Variants in NEO1 observed in about 807,000 individuals in gnomAD.
NEO1 encodes neogenin.
In NEO1, 63 loss-of-function variants were observed where a neutral mutation model predicts 159.7. The ratio of observed to expected loss-of-function variants is 0.39; its 90% CI spans 0.32 to 0.49. NEO1 has a LOEUF of 0.49. Among genes scored for constraint, NEO1 ranks in the 20% least tolerant of loss-of-function variants. The probability of loss-of-function intolerance (pLI) is 0.85; values close to 1 mark genes in which losing one functional copy is unlikely to be tolerated. For missense variants in NEO1, 1,615 were observed against 1,831.0 expected, an observed-to-expected ratio of 0.88 and a Z score of 2.15; for synonymous variants, 633 against 662.0, an observed-to-expected ratio of 0.96 and a Z score of 0.67.
chr15:73,141,432 A>ATTG (rs1274257580), intron 5 of NEO1, among the ~76,000 whole-genome samples: 2 of 152,208 alleles, frequency 1.3e-5, no homozygotes, highest in Non-Finnish European at 2.9e-5. Flanking sequence ...GTCATCTCAG[A>ATTG]TTGTTGATAA....
rs986403152 is a variant in NEO1, at chr15:73,131,500, C to T, written c.879-4391C>T. On this transcript the variant is annotated intron_variant, in intron 4 of 28. Transcript: ENST00000261908. The stretch of plus-strand genomic sequence containing the variant: ...TGTCTTTAACATCTGTTTTCTTCTC[C>T]GTTTCTTTATCTGATGTATCTGCAA... Among the ~76,000 whole-genome samples the T allele has an allele frequency of 2.4e-4, 37 of 152,126 alleles. 1 individual carries two copies. Among genetic ancestry groups the T allele is most frequent in the African/African-American group, 6.8e-4 (28 of 41,420 alleles).
At chr15:73,290,224 ATTTTTTTTTTT>A (rs34114271) in intron 25 of NEO1, among the ~76,000 whole-genome samples, 3 of 82,252 alleles carry the variant, frequency 3.6e-5, no homozygotes, top group Non-Finnish European at 6.8e-5. Context: ...ACTGTGTGGA[ATTTTTTTTTTT>A]TTTTTTTTTT....
At chr15:73,216,781 T>A (rs1355000666) in intron 7 of NEO1, among the ~76,000 whole-genome samples, 1 of 152,162 alleles carries the variant, frequency 6.6e-6, no homozygotes, top group Non-Finnish European at 1.5e-5. Flanking sequence ...GATGGGGTTG[T>A]TTTTTTCTTG....
At chr15:73,143,398 G>GCA (rs1220706846) in intron 5 of NEO1, 1 of 157,670 alleles carries the variant, frequency 6.3e-6, no homozygotes, top group African/African-American at 2.4e-5. Flanking sequence ...TGCTTGCCTA[G>GCA]CACACACTTA....
intron 7 of NEO1, among the ~76,000 whole-genome samples, chr15:73,227,606 G>T (rs143320773): frequency 6.6e-6 from 1 of 152,200 alleles, no homozygotes; most frequent in African/African-American, 2.4e-5. Context: ...AGGTTTCAGC[G>T]ACTGGGCCAG....
At chr15:73,203,354 T>C (rs1175173186) in intron 7 of NEO1, among the ~76,000 whole-genome samples, 4 of 152,174 alleles carry the variant, frequency 2.6e-5, no homozygotes, top group Non-Finnish European at 5.9e-5. Context: ...TCTGAATCTT[T>C]ATATTTAAAG....
chr15:73,183,032 T>TA (rs1316847952), intron 7 of NEO1, among the ~76,000 whole-genome samples: 3 of 152,202 alleles, frequency 2.0e-5, no homozygotes, highest in African/African-American at 7.2e-5. Flanking sequence ...AACTATGGCC[T>TA]AATTTGGAAT....
intron 4 of NEO1, among the ~76,000 whole-genome samples, chr15:73,129,329 A>G (rs2030766925): frequency 6.6e-6 from 1 of 152,182 alleles, no homozygotes; most frequent in Non-Finnish European, 1.5e-5. Context: ...TTAGACCCAA[A>G]ATTAGAAAGA....
chr15:73,191,306 T>G (rs963829251), intron 7 of NEO1, among the ~76,000 whole-genome samples: 1 of 152,094 alleles, frequency 6.6e-6, no homozygotes, highest in Non-Finnish European at 1.5e-5. Context: ...TTTTGTAAAT[T>G]GTTAAGTACT....
chr15:73,301,203 C>T (rs1324902683), intron 27 of NEO1, 118 bp from the exon 28 acceptor site: 28 of 1,298,810 alleles, frequency 2.2e-5, no homozygotes, highest in Non-Finnish European at 2.9e-5. Flanking sequence ...AGAGCAGTAT[C>T]CCTGCACTGG....
chr15:73,179,185 T>C (rs556808861), intron 7 of NEO1, among the ~76,000 whole-genome samples: 10 of 152,272 alleles, frequency 6.6e-5, no homozygotes, highest in African/African-American at 2.4e-4. Context: ...ACATTGATAT[T>C]GGGATTGGAG....
Position 73,052,677 on chromosome 15 carries a change from TGGC to T in NEO1, c.8_10del (p.Ala3?), listed in dbSNP as rs1415118486. ...CTGCCGCTCACTCTCGGGGAAGAGA[TGGC>T]GGCGGAGCGGGGAGCCCGGCGACTC... On this transcript the variant is annotated start_lost and inframe_deletion, in exon 1 of 29. Coordinates refer to ENST00000261908, the MANE Select transcript of NEO1 (RefSeq NM_002499.4). The T allele has an allele frequency of 7.6e-7, 1 of 1,323,946 alleles. No individual in the cohort carries two copies. Among genetic ancestry groups the T allele is most frequent in the Non-Finnish European group, 9.7e-7 (1 of 1,027,966 alleles). 82.0% of individuals were successfully genotyped at this position (1,323,946 alleles called of 1,614,324 possible). A position where few individuals can be genotyped will look rare whatever the true frequency, so the allele number is the denominator to read the frequency against.
chr15:73,174,854 T>A (rs1316949081), intron 5 of NEO1, among the ~76,000 whole-genome samples: 1 of 152,236 alleles, frequency 6.6e-6, no homozygotes, highest in Non-Finnish European at 1.5e-5. Flanking sequence ...AAGTCAAATT[T>A]GCTATTAATA....
At chr15:73,141,948 T>C (rs2032428335) in intron 5 of NEO1, among the ~76,000 whole-genome samples, 1 of 152,136 alleles carries the variant, frequency 6.6e-6, no homozygotes, top group African/African-American at 2.4e-5. Context: ...CACAGAGGAG[T>C]GATTGAGAGC....
intron 7 of NEO1, among the ~76,000 whole-genome samples, chr15:73,188,221 C>A (rs2036045492): frequency 6.6e-6 from 1 of 151,750 alleles, no homozygotes; most frequent in Non-Finnish European, 1.5e-5. Flanking sequence ...AAAAAAAAGA[C>A]TTTACTAATT....
At chr15:73,276,243 T>C (rs2041417964) in intron 21 of NEO1, among the ~76,000 whole-genome samples, 1 of 152,226 alleles carries the variant, frequency 6.6e-6, no homozygotes, top group South Asian at 2.1e-4. Flanking sequence ...TTGTTCATAG[T>C]TTACATTCAA....
At chr15:73,246,684 T>G (rs149259220) in intron 9 of NEO1, among the ~76,000 whole-genome samples, 2,054 of 152,186 alleles carry the variant, frequency 0.013, 18 homozygotes, top group South Asian at 0.017. Context: ...ATGACAAAAA[T>G]GAAGGAAATG....
chr15:73,171,189 A>C (rs2034940267), intron 5 of NEO1, among the ~76,000 whole-genome samples: 1 of 152,142 alleles, frequency 6.6e-6, no homozygotes, highest in African/African-American at 2.4e-5. Flanking sequence ...GAGTCTGTAG[A>C]TGGAAAAAAA....
intron 7 of NEO1, among the ~76,000 whole-genome samples, chr15:73,181,395 A>G (rs922691443): frequency 2.0e-5 from 3 of 152,202 alleles, no homozygotes; most frequent in Non-Finnish European, 4.4e-5. Flanking sequence ...AAAGGATCCT[A>G]CTAAGGAGAT....
Sources: gnomAD v4.1 joint callset for allele counts (sites outside exome capture counted in the v4.1 genomes callset) on GRCh38, gnomAD v4.1.1 for gene constraint, MANE v1.5 for transcripts, NCBI Gene and HGNC (gene_info 2026-07-23, HGNC 2026-07-21) for gene names.